ZCCHC24: variants seen among roughly 807,000 people sequenced by gnomAD.
ZCCHC24 encodes zinc finger CCHC-type containing 24, also known as zinc finger CCHC domain-containing protein 24.
A neutral mutation model predicts 26.2 loss-of-function variants in ZCCHC24; 10 were observed. The observed-to-expected ratio is 0.38, with a 90% confidence interval of 0.24 to 0.65. The LOEUF (loss-of-function observed/expected upper bound fraction) is 0.65, where lower values mean the gene tolerates loss of function less well. Among genes scored for constraint, ZCCHC24 ranks in the 30% least tolerant of loss-of-function variants. The probability of loss-of-function intolerance (pLI) is 0.54; values close to 1 mark genes in which losing one functional copy is unlikely to be tolerated. For missense variants in ZCCHC24, 243 were observed against 329.1 expected, an observed-to-expected ratio of 0.74 and a Z score of 2.03; for synonymous variants, 144 against 147.1, an observed-to-expected ratio of 0.98 and a Z score of 0.15.
At chr10:79,392,299 C>T (rs960173881) in intron 3 of ZCCHC24, among the ~76,000 whole-genome samples, 1 of 152,158 alleles carries the variant, frequency 6.6e-6, no homozygotes, top group Non-Finnish European at 1.5e-5. Context: ...CTCCCTGGGC[C>T]TGGGATGCGG....
intron 3 of ZCCHC24, among the ~76,000 whole-genome samples, chr10:79,393,336 C>A (rs1856503108): frequency 6.6e-6 from 1 of 152,216 alleles, no homozygotes; most frequent in South Asian, 2.1e-4. Context: ...CATCTGTGTC[C>A]TGCCCAGGCT....
chr10:79,401,395 C>T (rs1012433652), intron 2 of ZCCHC24, among the ~76,000 whole-genome samples: 2 of 152,218 alleles, frequency 1.3e-5, no homozygotes, highest in South Asian at 2.1e-4. Context: ...TACGGTTAGT[C>T]CCAGGTTTCA....
intron 2 of ZCCHC24, among the ~76,000 whole-genome samples, chr10:79,406,980 A>G (rs1490595718): frequency 1.3e-5 from 2 of 152,170 alleles, no homozygotes; most frequent in Non-Finnish European, 2.9e-5. Context: ...CTGCCTCCCA[A>G]CCAAATCCAG....
At chr10:79,430,338 G>T (rs1437693232) in intron 2 of ZCCHC24, among the ~76,000 whole-genome samples, 1 of 152,072 alleles carries the variant, frequency 6.6e-6, no homozygotes, top group Admixed American at 6.6e-5. Flanking sequence ...CCAGGAGAAG[G>T]CCTCAATCAG....
At chr10:79,419,079 A>G (rs539004005) in intron 2 of ZCCHC24, among the ~76,000 whole-genome samples, 1 of 152,314 alleles carries the variant, frequency 6.6e-6, no homozygotes, top group African/African-American at 2.4e-5. Flanking sequence ...GAAATTAAGC[A>G]GCTGCAGGGG....
chr10:79,392,194 C>T (rs1053723754), intron 3 of ZCCHC24, among the ~76,000 whole-genome samples: 3 of 152,134 alleles, frequency 2.0e-5, no homozygotes, highest in African/African-American at 7.2e-5. Context: ...GTGGACCCTC[C>T]GTACACCAGG....
rs931063980 is a variant in ZCCHC24 at position 79,384,205 on chromosome 10, C to A, written c.*2140G>T. 10 of 152,358 alleles carry A rather than the reference C, an allele frequency of 6.6e-5. No homozygotes were observed. The East Asian group carries it at 1.5e-3, about 23-fold the overall frequency. The allele number at this position is 152,358 out of a possible 1,614,324, so 9.4% of individuals were successfully genotyped here. ...GGCAAGGTCACTTTGGGGTGATATC[C>A]CAACTCCCCTTAGCCCGTGCAGGGA... is the stretch of plus-strand genomic sequence containing the variant. On this transcript the variant is annotated 3_prime_UTR_variant, in exon 4 of 4. Transcript: ENST00000372336.
intron 2 of ZCCHC24, among the ~76,000 whole-genome samples, chr10:79,420,581 C>G (rs572904297): frequency 6.6e-6 from 1 of 152,140 alleles, no homozygotes; most frequent in Admixed American, 6.5e-5. Context: ...GAGTTTGAGA[C>G]CAGCCTGGCC....
rs144318651 is a variant in ZCCHC24 at position 79,394,205 on chromosome 10, A to C, written c.612+71T>G. 3.3e-3 allele frequency: 5,147 copies of C among 1,557,952 alleles called. 29 individuals are homozygous for C. Among genetic ancestry groups the C allele is most frequent in the South Asian group, 0.011 (924 of 82,980 alleles). The stretch of plus-strand genomic sequence containing the variant: ...AGATCTCCCTTGTAGGAGGGAGTAA[A>C]CTGAGGTCCGGTAAGGGAAAAGTTG... On this transcript the variant is annotated intron_variant, in intron 3 of 3. Transcript: ENST00000372336.
intron 1 of ZCCHC24, among the ~76,000 whole-genome samples, chr10:79,436,878 C>T (rs1223770763): frequency 6.6e-6 from 1 of 152,176 alleles, no homozygotes; most frequent in African/African-American, 2.4e-5. Flanking sequence ...AGGGAAGAGG[C>T]CACCTCTCTT....
intron 3 of ZCCHC24, among the ~76,000 whole-genome samples, chr10:79,387,508 C>A (rs897296197): frequency 6.6e-6 from 1 of 152,216 alleles, no homozygotes; most frequent in Non-Finnish European, 1.5e-5. Flanking sequence ...CTTTCTTGGC[C>A]AGCTCACGGG....
Position 79,432,690 on chromosome 10 carries a change from G to C in ZCCHC24, c.315C>G (p.Leu105=), listed in dbSNP as rs748384192. The C allele has an allele frequency of 4.4e-6, 7 of 1,609,056 alleles. No homozygotes were observed. ...CTGAGAAGTGCTCGGTGAGGGAGCT[G>C]AGGCCATCGGCGATGTTGTTGAGGG... The part of the protein sequence containing the change: ...YGSLNNIADG[L]SSLTEHFSDL... Residue 105 remains leucine, a synonymous_variant, in exon 2 of 4, where the codon CTC becomes CTG. Transcript: ENST00000372336.
chr10:79,415,517 G>A (rs2181078), intron 2 of ZCCHC24, among the ~76,000 whole-genome samples: 56,030 of 152,076 alleles, frequency 0.37, 10,739 homozygotes, highest in Middle Eastern at 0.46. Context: ...TTCCAACTGC[G>A]GTTTCAACCT....
Position 79,445,457 on chromosome 10 carries a change from C to T in ZCCHC24, c.-17G>A. The T allele has an allele frequency of 7.2e-7, 1 of 1,398,428 alleles. No homozygotes were observed. The highest frequency in any genetic ancestry group is 9.4e-7 in the Non-Finnish European group (1 of 1,066,068). The allele number at this position is 1,398,428 out of a possible 1,614,324, so 86.6% of individuals were successfully genotyped here. On this transcript the variant is annotated 5_prime_UTR_variant, in exon 1 of 4. Coordinates refer to ENST00000372336, the MANE Select transcript of ZCCHC24 (RefSeq NM_153367.4). ...CAGGCTCATTTTGTGGCGGCGGTGC[C>T]GGCCCCTCCCCGGCCGCCCGCTCGC...
chr10:79,411,891 C>T (rs1856799113), intron 2 of ZCCHC24, among the ~76,000 whole-genome samples: 1 of 152,170 alleles, frequency 6.6e-6, no homozygotes, highest in South Asian at 2.1e-4. Flanking sequence ...TCTGCCAGGG[C>T]AGGACCCCCA....
intron 2 of ZCCHC24, among the ~76,000 whole-genome samples, chr10:79,424,207 A>G (rs984869494): frequency 6.6e-6 from 1 of 152,194 alleles, no homozygotes; most frequent in African/African-American, 2.4e-5. Context: ...ATTTGTACTT[A>G]CTGCCTGACT....
At chr10:79,401,082 G>C (rs191281830) in intron 2 of ZCCHC24, among the ~76,000 whole-genome samples, 9 of 152,376 alleles carry the variant, frequency 5.9e-5, no homozygotes, top group African/African-American at 2.2e-4. Context: ...ACCAGGAGGA[G>C]AGCAGGGTGG....
intron 2 of ZCCHC24, among the ~76,000 whole-genome samples, chr10:79,410,026 G>A (rs1856769914): frequency 6.6e-6 from 1 of 152,240 alleles, no homozygotes; most frequent in South Asian, 2.1e-4. Flanking sequence ...AGCTGGAGCT[G>A]TCAGGAGGCC....
intron 2 of ZCCHC24, chr10:79,403,295 G>T: frequency 1.4e-6 from 1 of 712,054 alleles, no homozygotes; most frequent in Non-Finnish European, 1.7e-6. Context: ...TAACCCTAAT[G>T]ACGGATGAGG....
Sources: allele counts gnomAD v4.1 joint callset (sites outside exome capture counted in the v4.1 genomes callset), GRCh38; gene constraint gnomAD v4.1.1; transcripts MANE v1.5; gene names NCBI Gene and HGNC (gene_info 2026-07-23, HGNC 2026-07-21).